The following HVCN1 variants were observed in gnomAD, a reference collection of about 807,000 sequenced individuals.
HVCN1 encodes voltage-gated hydrogen channel 1.
Under a neutral mutation model 29.2 loss-of-function variants are expected in HVCN1, and 14 were observed. The observed-to-expected ratio is 0.48, with a 90% CI of 0.32 to 0.75. The LOEUF (loss-of-function observed/expected upper bound fraction) is 0.75. Ranked by LOEUF, HVCN1 falls within the 30% of genes least tolerant of loss-of-function variation. The pLI is 0.04. For missense variants in HVCN1, 263 were observed against 341.8 expected, an observed-to-expected ratio of 0.77 and a Z score of 1.82; for synonymous variants, 131 against 133.2, an observed-to-expected ratio of 0.98 and a Z score of 0.11.
intron 3 of HVCN1, among the ~76,000 whole-genome samples, chr12:110,677,521 C>T (rs1046402655): frequency 2.6e-5 from 4 of 152,172 alleles, no homozygotes; most frequent in Non-Finnish European, 5.9e-5. Context: ...CTGTGCCTGG[C>T]AGACCACAGG....
intron 2 of HVCN1, among the ~76,000 whole-genome samples, chr12:110,699,358 G>A (rs1035565449): frequency 5.3e-5 from 8 of 152,142 alleles, no homozygotes; most frequent in Non-Finnish European, 1.0e-4. Context: ...GAGCCATGGC[G>A]AATGGCCACA....
rs2068067496 is a variant in HVCN1 at position 110,658,700 on chromosome 12, G to A, written c.306+2464C>T. ...CCCTGCGGAGGGCTTCTCTCCATTT[G>A]TAACCAATGTGTGTCTCAGTGATGG... On this transcript the variant is annotated intron_variant, in intron 4 of 7. Coordinates refer to ENST00000242607, the MANE Select transcript of HVCN1 (RefSeq NM_032369.4). This position sits in a 1 kb window ranked among gnomAD's most constrained non-coding sequence, Gnocchi z 5.0. 6.6e-6 allele frequency among the ~76,000 whole-genome samples: 1 copy of A among 151,874 alleles called. No individual in the cohort carries two copies. Among genetic ancestry groups the A allele is most frequent in the South Asian group, 2.1e-4 (1 of 4,810 alleles).
chr12:110,674,056 G>A (rs963254801), intron 3 of HVCN1, among the ~76,000 whole-genome samples: 1 of 152,240 alleles, frequency 6.6e-6, no homozygotes, highest in Admixed American at 6.5e-5. Flanking sequence ...GCTCATGAAA[G>A]CAGCCAGGAG....
At chr12:110,690,787 C>T (rs967587896), upstream of HVCN1, among the ~76,000 whole-genome samples, 89 of 151,558 alleles carry the variant, frequency 5.9e-4, 4 homozygotes, top group Non-Finnish European at 1.5e-4. Flanking sequence ...AACAGTCTCA[C>T]TCTGTGGCCC....
intron 4 of HVCN1, among the ~76,000 whole-genome samples, chr12:110,657,908 TC>T (rs1234396028): frequency 6.6e-6 from 1 of 152,050 alleles, no homozygotes; most frequent in Non-Finnish European, 1.5e-5. Flanking sequence ...AGCTCCCAAC[TC>T]CCCCATCTGC....
chr12:110,692,726 A>G (rs1353402350), upstream of HVCN1, among the ~76,000 whole-genome samples: 1 of 152,106 alleles, frequency 6.6e-6, no homozygotes, highest in East Asian at 1.9e-4. Flanking sequence ...CCTGTCTCTT[A>G]AAAAACAAAA....
chr12:110,691,086 G>A (rs748761522), upstream of HVCN1, among the ~76,000 whole-genome samples: 9 of 147,882 alleles, frequency 6.1e-5, no homozygotes, highest in African/African-American at 7.5e-5. Context: ...TTTTTGAGGT[G>A]GAGTCGCGCT....
intron 4 of HVCN1, among the ~76,000 whole-genome samples, chr12:110,657,010 A>G (rs1363199896): frequency 6.6e-6 from 1 of 152,140 alleles, no homozygotes; most frequent in African/African-American, 2.4e-5. Context: ...TGAGGTTCTG[A>G]CCCCCGCTCC....
intron 3 of HVCN1, among the ~76,000 whole-genome samples, chr12:110,675,320 G>A (rs920351140): frequency 1.7e-4 from 26 of 152,124 alleles, no homozygotes; most frequent in African/African-American, 5.8e-4. Context: ...TTAGCCAGGC[G>A]TGGTGGCGCA....
intron 7 of HVCN1, among the ~76,000 whole-genome samples, 200 bp from the exon 8 acceptor site, chr12:110,649,675 G>A (rs764594115): frequency 3.3e-5 from 5 of 152,276 alleles, no homozygotes; most frequent in Non-Finnish European, 7.4e-5. Flanking sequence ...GAAGACAAAC[G>A]TGGGGGACCT....
intron 3 of HVCN1, among the ~76,000 whole-genome samples, chr12:110,664,630 A>C (rs1358050691): frequency 6.6e-6 from 1 of 152,174 alleles, no homozygotes; most frequent in Non-Finnish European, 1.5e-5. Context: ...CAAACCCTAC[A>C]ATCACCCTGG....
At chr12:110,700,940 G>A (rs908659716) in intron 2 of HVCN1, among the ~76,000 whole-genome samples, 1 of 152,206 alleles carries the variant, frequency 6.6e-6, no homozygotes, top group Non-Finnish European at 1.5e-5. Flanking sequence ...AACTCCAGCT[G>A]GAACTCTTAG....
At chr12:110,686,317 T>A (rs2069182192) in intron 2 of HVCN1, among the ~76,000 whole-genome samples, 1 of 152,130 alleles carries the variant, frequency 6.6e-6, no homozygotes, top group African/African-American at 2.4e-5. Flanking sequence ...TTCTAAAAAA[T>A]TATTTTGAAA....
At chr12:110,651,583 C>G in intron 5 of HVCN1, 135 bp from the exon 6 acceptor site, 2 of 652,876 alleles carry the variant, frequency 3.1e-6, no homozygotes, top group Admixed American at 2.5e-5. Context: ...GCTGGAAACA[C>G]AGCTGTGAAC....
At chr12:110,691,198 G>T (rs369772139), upstream of HVCN1, among the ~76,000 whole-genome samples, 22 of 152,218 alleles carry the variant, frequency 1.4e-4, no homozygotes, top group South Asian at 4.2e-3. Flanking sequence ...GAGTAGCTGG[G>T]ACTACAGGCG....
At chr12:110,663,835 C>T (rs1026726011) in intron 3 of HVCN1, among the ~76,000 whole-genome samples, 7 of 152,102 alleles carry the variant, frequency 4.6e-5, no homozygotes. Context: ...GCCACAGTCT[C>T]CTGGTTTTCC....
intron 3 of HVCN1, among the ~76,000 whole-genome samples, chr12:110,669,854 G>A (rs769391288): frequency 6.6e-6 from 1 of 152,018 alleles, no homozygotes; most frequent in Non-Finnish European, 1.5e-5. Context: ...TCAGGAGCTC[G>A]AGACCAGCCT....
intron 3 of HVCN1, among the ~76,000 whole-genome samples, chr12:110,669,896 A>T (rs568070435): frequency 2.0e-5 from 3 of 152,086 alleles, no homozygotes; most frequent in African/African-American, 7.2e-5. Context: ...TCTCTACTAA[A>T]AATACAAAAA....
Position 110,658,609 on chromosome 12 carries a change from ACCT to A in HVCN1, c.306+2552_306+2554del, listed in dbSNP as rs1235331242. 9.9e-5 allele frequency among the ~76,000 whole-genome samples: 15 copies of A among 151,688 alleles called. No homozygotes were observed. In the South Asian group the frequency reaches 2.9e-3, roughly 30 times the overall value. ...CACTCCTGCTCAGCATGCAGGTGTC[ACCT>A]CCTTCGACTCCAGTCCCTGATCAGG... On this transcript the variant is annotated intron_variant, in intron 4 of 7. Coordinates refer to ENST00000242607, the MANE Select transcript of HVCN1 (RefSeq NM_032369.4). The surrounding 1 kb of genome is among the most constrained non-coding windows in gnomAD (Gnocchi z 5.0).
Sources: allele counts gnomAD v4.1 joint callset (sites outside exome capture counted in the v4.1 genomes callset), GRCh38; gene constraint gnomAD v4.1.1; non-coding constraint Gnocchi (gnomAD v3.1); transcripts MANE v1.5; gene names NCBI Gene and HGNC (gene_info 2026-07-23, HGNC 2026-07-21).